KCTD1: variants seen among roughly 807,000 people sequenced by gnomAD.
The protein encoded by KCTD1 is potassium channel tetramerization domain containing 1.
In KCTD1, 24 loss-of-function variants were observed where a neutral mutation model predicts 66.0. The ratio of observed to expected loss-of-function variants is 0.36; its 90% CI spans 0.26 to 0.51. KCTD1 has a LOEUF of 0.51. Ranked by LOEUF, KCTD1 falls within the 20% of genes least tolerant of loss-of-function variation. The pLI is 0.95. For missense variants in KCTD1, 943 were observed against 1,205.2 expected (o/e 0.78, Z 3.22); for synonymous variants, 511 against 517.2 (o/e 0.99, Z 0.16).
At chr18:26,594,087 T>C (rs1348202974) in intron 1 of KCTD1, among the ~76,000 whole-genome samples, 1 of 152,218 alleles carries the variant, frequency 6.6e-6, no homozygotes, top group Non-Finnish European at 1.5e-5. Flanking sequence ...TGATTTACCA[T>C]CTTGTTGAGC....
intron 1 of KCTD1, among the ~76,000 whole-genome samples, chr18:26,593,600 GGGAGAAGGAAGACAAGGA>G (rs1986683186): frequency 1.3e-4 from 15 of 119,710 alleles, no homozygotes; most frequent in African/African-American, 3.9e-4. Context: ...AGGACAAGGA[GGGAGAAGGAAGACAAGGA>G]GGAGGAGGAA....
At chr18:26,587,774 T>C (rs547771157) in intron 1 of KCTD1, among the ~76,000 whole-genome samples, 2 of 152,274 alleles carry the variant, frequency 1.3e-5, no homozygotes, top group South Asian at 2.1e-4. Flanking sequence ...GTAGTGGAAA[T>C]AGCAAGAGAA....
chr18:26,618,940 T>C (rs1987314996), intron 1 of KCTD1, among the ~76,000 whole-genome samples: 1 of 152,210 alleles, frequency 6.6e-6, no homozygotes, highest in Non-Finnish European at 1.5e-5. Flanking sequence ...CATTTTACAG[T>C]CCTCCAGGGA....
chr18:26,595,870 T>G (rs567157063), intron 1 of KCTD1, among the ~76,000 whole-genome samples: 1 of 152,128 alleles, frequency 6.6e-6, no homozygotes, highest in African/African-American at 2.4e-5. Flanking sequence ...CAAGACCCTA[T>G]CTCTACAAAA....
Position 26,560,404 on chromosome 18 carries a change from C to T in KCTD1, c.-15-59154G>A, listed in dbSNP as rs2144874827. Among the ~76,000 whole-genome samples, 4 of 152,324 alleles carry T rather than the reference C, an allele frequency of 2.6e-5. No homozygotes were observed. The Middle Eastern group carries it at 0.01, about 389-fold the overall frequency. On this transcript the variant is annotated intron_variant, in intron 1 of 4. Coordinates refer to the KCTD1 transcript ENST00000317932. ...AATCCTTCTTCAGGCCTCTCCTAGA[C>T]TGCAGTGGTTCCTGCGATTGGCTGC...
intron 1 of KCTD1, among the ~76,000 whole-genome samples, chr18:26,594,352 AC>A (rs1430812320): frequency 2.6e-5 from 4 of 152,238 alleles, no homozygotes; most frequent in Non-Finnish European, 5.9e-5. Context: ...GCATTTGTGT[AC>A]AGACTTATTT....
intron 1 of KCTD1, among the ~76,000 whole-genome samples, chr18:26,529,260 C>A (rs1984320068): frequency 1.3e-5 from 2 of 152,170 alleles, no homozygotes; most frequent in South Asian, 4.1e-4. Flanking sequence ...AATCCATGGT[C>A]CGCATCTCCC....
intron 1 of KCTD1, among the ~76,000 whole-genome samples, chr18:26,527,492 A>AGGG (rs147266086): frequency 2.3e-4 from 25 of 109,496 alleles, no homozygotes; most frequent in African/African-American, 5.9e-4. Flanking sequence ...CAAAAAAAAA[A>AGGG]GGGGGGGGGG....
In KCTD1 at chr18:26,583,151, TG is replaced by T. The variant is rs561937851; in HGVS notation, c.-16+45995del. On this transcript the variant is annotated intron_variant, in intron 1 of 4. Transcript: ENST00000317932. ...GCTCACATCTGTAATTCCAGCACTT[TG>T]GGAGGCCAAAGCAGGTGGATCACCT... Among the ~76,000 whole-genome samples the T allele has an allele frequency of 5.3e-3, 799 of 152,092 alleles. 2 individuals are homozygous for T. The highest frequency in any genetic ancestry group is 9.2e-3 in the Non-Finnish European group (622 of 67,964).
intron 1 of KCTD1, among the ~76,000 whole-genome samples, chr18:26,517,135 C>T (rs552221123): frequency 3.3e-4 from 50 of 152,266 alleles, no homozygotes; most frequent in African/African-American, 1.2e-3. Flanking sequence ...CTCTGAGAAG[C>T]GGGACATTAG....
At chr18:26,493,854 A>T (rs1982333838) in intron 2 of KCTD1, among the ~76,000 whole-genome samples, 1 of 152,132 alleles carries the variant, frequency 6.6e-6, no homozygotes, top group Non-Finnish European at 1.5e-5. Flanking sequence ...CTCCACCCCC[A>T]GCCCACTACC....
intron 1 of KCTD1, among the ~76,000 whole-genome samples, chr18:26,584,722 C>G: frequency 6.6e-6 from 1 of 152,084 alleles, no homozygotes; most frequent in East Asian, 1.9e-4. Context: ...TAGGAGGGGG[C>G]TCCCGACCAC....
chr18:26,636,170 G>A (rs892889068), intron 1 of KCTD1, among the ~76,000 whole-genome samples: 3 of 152,128 alleles, frequency 2.0e-5, no homozygotes, highest in Admixed American at 1.3e-4. Context: ...TAGGACTGCC[G>A]TGAAGAGAGA....
chr18:26,506,437 A>T (rs578149130), intron 1 of KCTD1, among the ~76,000 whole-genome samples: 1 of 152,230 alleles, frequency 6.6e-6, no homozygotes, highest in Non-Finnish European at 1.5e-5. Flanking sequence ...TGAGAAGTTA[A>T]CAAACACTGG....
chr18:26,561,067 T>C (rs1344854595), intron 1 of KCTD1, among the ~76,000 whole-genome samples: 1 of 152,174 alleles, frequency 6.6e-6, no homozygotes, highest in Non-Finnish European at 1.5e-5. Flanking sequence ...TATCTATAGA[T>C]ATAAAGAATA....
chr18:26,514,596 G>GAAGT lies in KCTD1; in HGVS notation c.1810-13350_1810-13347dup, dbSNP rs367676272. 5.2e-3 allele frequency among the ~76,000 whole-genome samples: 793 copies of GAAGT among 151,352 alleles called. 6 individuals carry two copies. The highest frequency in any genetic ancestry group is 0.018 in the African/African-American group (743 of 41,126). On this transcript the variant is annotated intron_variant, in intron 1 of 4. Transcript: ENST00000580059. ...AGAAATGGCAGAGAGATGTTGGAAGGAAGTAGTGTCATGTTTACACCCAGA... is the reference window on the plus strand; with the variant it reads ...AGAAATGGCAGAGAGATGTTGGAAGGAAGTAAGTAGTGTCATGTTTACACCCAGA...
At chr18:26,649,184 G>C (rs1987981898) in intron 1 of KCTD1, among the ~76,000 whole-genome samples, 1 of 152,222 alleles carries the variant, frequency 6.6e-6, no homozygotes, top group Admixed American at 6.5e-5. Context: ...GCACGTGACT[G>C]CCTAAGACTG....
intron 1 of KCTD1, among the ~76,000 whole-genome samples, chr18:26,646,716 G>T (rs1466523660): frequency 1.3e-5 from 2 of 151,794 alleles, no homozygotes; most frequent in Non-Finnish European, 2.9e-5. Flanking sequence ...TTTTTAAGAG[G>T]GAAAAAGAAA....
At chr18:26,567,948 A>C (rs2144891684) in intron 1 of KCTD1, among the ~76,000 whole-genome samples, 1 of 152,328 alleles carries the variant, frequency 6.6e-6, no homozygotes, top group East Asian at 1.9e-4. Flanking sequence ...TTTCAGAAAA[A>C]TATTGTTTCG....
Sources: gnomAD v4.1 joint callset for allele counts (sites outside exome capture counted in the v4.1 genomes callset) on GRCh38, gnomAD v4.1.1 for gene constraint, MANE v1.5 for transcripts, NCBI Gene and HGNC (gene_info 2026-07-23, HGNC 2026-07-21) for gene names.